Variants in BET1 observed in about 807,000 individuals in gnomAD.
The protein encoded by BET1 is BET1 homolog.
In BET1, 9 loss-of-function variants were observed where a neutral mutation model predicts 13.9. The observed-to-expected ratio is 0.65, with a 90% confidence interval of 0.39 to 1.13. BET1 has a LOEUF of 1.13. Ranked by LOEUF, BET1 falls within the 50% of genes most tolerant of loss-of-function variation. The pLI is 0.01. For synonymous variants in BET1, 39 were observed against 47.3 expected, an observed-to-expected ratio of 0.82 and a Z score of 0.72; for missense variants, 127 against 133.6, an observed-to-expected ratio of 0.95 and a Z score of 0.24.
intron 5 of BET1, among the ~76,000 whole-genome samples, chr7:93,975,612 G>A (rs1795323437): frequency 6.6e-6 from 1 of 152,062 alleles, no homozygotes; most frequent in Non-Finnish European, 1.5e-5. Flanking sequence ...GTGTCTGTAA[G>A]CTTTAATAGC....
chr7:93,968,781 G>A (rs1391290775), intron 6 of BET1, among the ~76,000 whole-genome samples: 1 of 151,734 alleles, frequency 6.6e-6, no homozygotes, highest in African/African-American at 2.4e-5. Context: ...AAAGTTCAGA[G>A]AAGGTATATA....
intron 1 of BET1, 28 bp from the exon 2 acceptor site, chr7:93,999,322 T>G: frequency 6.4e-7 from 1 of 1,574,360 alleles, no homozygotes; most frequent in Non-Finnish European, 8.6e-7. Flanking sequence ...ACAAAGGTGG[T>G]TCTAGAGAAG....
chr7:93,999,415 C>T, intron 1 of BET1, 121 bp from the exon 2 acceptor site: 1 of 1,227,064 alleles, frequency 8.1e-7, no homozygotes, highest in Non-Finnish European at 1.1e-6. Flanking sequence ...CTCTAATATT[C>T]ATACTCCAAA....
chr7:93,999,270 T>C lies in BET1; in HGVS notation c.44A>G (p.Tyr15Cys), dbSNP rs1205842236. Reference protein sequence around the residue: ...GLGEGVPPGNYGNYGYANSGY... With the variant: ...GLGEGVPPGNCGNYGYANSGY... ...ACTATTAGCATAGCCATAGTTCCCA[T>C]AGTTGCCAGGAGGTACTCCTTCACC... Residue 15 changes from tyrosine to cysteine, a missense_variant, in exon 2 of 4, where the codon TAT becomes TGT. Coordinates refer to ENST00000222547, the MANE Select transcript of BET1 (RefSeq NM_005868.6). 1 of 1,612,394 alleles carries C rather than the reference T, an allele frequency of 6.2e-7. No individual in the cohort carries two copies. The highest frequency in any genetic ancestry group is 8.5e-7 in the Non-Finnish European group (1 of 1,179,188).
downstream of BET1, chr7:93,993,099 T>G: frequency 1.0e-6 from 1 of 980,172 alleles, no homozygotes; most frequent in Non-Finnish European, 1.2e-6. Context: ...AAAGAGATTT[T>G]TGAAATAGAG....
intron 6 of BET1, chr7:93,968,509 G>A (rs1355110979): frequency 2.0e-5 from 3 of 151,770 alleles, no homozygotes; most frequent in Non-Finnish European, 4.4e-5. Context: ...GAACATCAAT[G>A]TGTCTAAAGG....
intron 6 of BET1, chr7:93,968,444 GC>G (rs1191233047): frequency 1.3e-5 from 2 of 151,776 alleles, no homozygotes. Flanking sequence ...AGAAGATCAT[GC>G]TTTGTGCAGA....
downstream of BET1, chr7:93,992,969 T>C: frequency 1.0e-5 from 10 of 985,276 alleles, no homozygotes; most frequent in Non-Finnish European, 1.2e-5. Flanking sequence ...GCCCAAATAA[T>C]GACGAATGAA....
chr7:93,994,360 C>A lies in BET1; in HGVS notation c.227G>T (p.Gly76Val). 6.2e-7 allele frequency: 1 copy of A among 1,612,870 alleles called. No individual in the cohort carries two copies. The highest frequency in any genetic ancestry group is 8.5e-7 in the Non-Finnish European group (1 of 1,179,514). ...EMDSQFDSTT[G>V]FLGKTMGKLK... is the part of the protein sequence containing the mutation. The stretch of plus-strand genomic sequence containing the variant: ...TTTGCCCATAGTTTTACCTAGAAAT[C>A]CAGTTGTGGAATCAAATTGTGAATC... Residue 76 changes from glycine (G) to valine (V), a missense_variant, in exon 4 of 4, where the codon GGA (glycine) becomes GTA (valine). Coordinates refer to ENST00000222547, the MANE Select transcript of BET1 (RefSeq NM_005868.6).
At chr7:93,967,512 G>A (rs541793466) in intron 6 of BET1, among the ~76,000 whole-genome samples, 4 of 151,726 alleles carry the variant, frequency 2.6e-5, no homozygotes, top group Non-Finnish European at 4.4e-5. Context: ...AAGACTGAAA[G>A]GAAACATTTA....
chr7:93,992,925 C>T (rs1175703638), downstream of BET1: 2 of 985,426 alleles, frequency 2.0e-6, no homozygotes. Context: ...CTTAACCACA[C>T]TCAGTTCCGG....
downstream of BET1, chr7:93,992,871 C>A (rs1795665034): frequency 6.0e-5 from 59 of 983,376 alleles, no homozygotes; most frequent in Non-Finnish European, 7.0e-5. Context: ...CTAACTCAAA[C>A]CAGTGCCTCT....
intron 5 of BET1, among the ~76,000 whole-genome samples, chr7:93,974,452 G>C (rs555153806): frequency 2.6e-5 from 4 of 152,094 alleles, no homozygotes; most frequent in African/African-American, 9.6e-5. Context: ...CCATGCAGCA[G>C]CAGGAAGTAC....
intron 1 of BET1, among the ~76,000 whole-genome samples, chr7:94,003,099 A>T (rs147188700): frequency 1.3e-5 from 2 of 152,352 alleles, no homozygotes; most frequent in East Asian, 3.9e-4. Context: ...CAAGCACACA[A>T]TAAATCTTTT....
chr7:93,978,080 T>C (rs1361317127), intron 4 of BET1, among the ~76,000 whole-genome samples: 1 of 151,954 alleles, frequency 6.6e-6, no homozygotes, highest in Non-Finnish European at 1.5e-5. Flanking sequence ...TTGTTTCTTT[T>C]TTTTTTTTCC....
At chr7:94,002,389 A>G (rs1026450066) in intron 1 of BET1, among the ~76,000 whole-genome samples, 20 of 151,654 alleles carry the variant, frequency 1.3e-4, no homozygotes, top group Middle Eastern at 3.4e-3. Context: ...CTTCACACCA[A>G]TGTAAATTAT....
At chr7:93,998,699 CA>C (rs568287153) in intron 2 of BET1, among the ~76,000 whole-genome samples, 1 of 142,716 alleles carries the variant, frequency 7.0e-6, no homozygotes. Context: ...AACTCCATCT[CA>C]AAAAAAAAGA....
At chr7:93,966,505 G>A (rs1395012111) in intron 6 of BET1, among the ~76,000 whole-genome samples, 1 of 151,762 alleles carries the variant, frequency 6.6e-6, no homozygotes, top group South Asian at 2.1e-4. Flanking sequence ...TGAAGGTCAT[G>A]CCATTTCCTT....
At chr7:93,994,494 T>C in intron 3 of BET1, 109 bp from the exon 4 acceptor site, 1 of 1,232,728 alleles carries the variant, frequency 8.1e-7, no homozygotes. Context: ...TAATGACAGT[T>C]TTGTGTTTAA....
Sources: gnomAD v4.1 joint callset for allele counts (sites outside exome capture counted in the v4.1 genomes callset) on GRCh38, gnomAD v4.1.1 for gene constraint, MANE v1.5 for transcripts, NCBI Gene and HGNC (gene_info 2026-07-23, HGNC 2026-07-21) for gene names.